MARCHF6: variants seen among roughly 807,000 people sequenced by gnomAD.
The protein encoded by MARCHF6 is membrane associated ring-CH-type finger 6.
MARCHF6 carries 31 observed loss-of-function variants against 133.7 expected under a neutral mutation model. That is an observed-to-expected ratio of 0.23 (90% CI 0.17 to 0.31). MARCHF6 has a LOEUF of 0.31. Among genes scored for constraint, MARCHF6 ranks in the 10% least tolerant of loss-of-function variants. The probability of loss-of-function intolerance (pLI) is 1.00; values close to 1 mark genes in which losing one functional copy is unlikely to be tolerated. For synonymous variants in MARCHF6, 395 were observed against 402.5 expected, an observed-to-expected ratio of 0.98 and a Z score of 0.22; for missense variants, 723 against 1,121.6, an observed-to-expected ratio of 0.64 and a Z score of 5.08.
chr5:10,406,890 A>G lies in MARCHF6; in HGVS notation c.1453-212A>G, dbSNP rs577316040. On this transcript the variant is annotated intron_variant, in intron 16 of 25. Transcript: ENST00000274140. Reference sequence around the variant, plus strand: ...TTCCGTTTTAGCATTTGTGTCCTAGATGGGAGGTCCTTACAGGAAGAGGGG... The same window carrying G: ...TTCCGTTTTAGCATTTGTGTCCTAGGTGGGAGGTCCTTACAGGAAGAGGGG... 5.3e-5 allele frequency among the ~76,000 whole-genome samples: 8 copies of G among 152,236 alleles called. No homozygotes were observed. In the East Asian group the frequency reaches 1.5e-3, roughly 29 times the overall value.
chr5:10,408,086 A>G (rs547601460), intron 17 of MARCHF6, among the ~76,000 whole-genome samples: 1 of 151,894 alleles, frequency 6.6e-6, no homozygotes, highest in Non-Finnish European at 1.5e-5. Flanking sequence ...AAATTGGATT[A>G]TTTCCTCAAG....
At chr5:10,420,895 A>G (rs1052875781) in intron 22 of MARCHF6, among the ~76,000 whole-genome samples, 1 of 152,218 alleles carries the variant, frequency 6.6e-6, no homozygotes, top group African/African-American at 2.4e-5. Flanking sequence ...CTGCTTTCTA[A>G]TAGCATCTGA....
intron 1 of MARCHF6, among the ~76,000 whole-genome samples, chr5:10,374,223 C>T (rs572986179): frequency 2.0e-5 from 3 of 152,238 alleles, no homozygotes; most frequent in South Asian, 4.1e-4. Flanking sequence ...GGAAAGAGTC[C>T]AGTTTAAATC....
At chr5:10,408,592 G>T (rs564819213) in intron 17 of MARCHF6, among the ~76,000 whole-genome samples, 2 of 152,278 alleles carry the variant, frequency 1.3e-5, no homozygotes, top group African/African-American at 2.4e-5. Flanking sequence ...AGGCTGTAGT[G>T]CAGTGGTATG....
Position 10,381,864 on chromosome 5 carries a change from T to C in MARCHF6, c.255T>C (p.Ser85=), listed in dbSNP as rs1198328894. The C allele has an allele frequency of 6.2e-7, 1 of 1,613,026 alleles. No individual in the cohort carries two copies. The highest frequency in any genetic ancestry group is 1.1e-5 in the South Asian group (1 of 90,926). The change falls in exon 4 of 26, where the codon AGT becomes AGC. Residue 85 remains serine (S), a synonymous_variant. Transcript: ENST00000274140. ...IQDIFAGLVT[S]IGTAIRYWFH... ...ACATATTTGCTGGACTGGTTACAAG[T>C]ATTGGCACTGCAATACGATATTGGT...
At chr5:10,386,059 G>T (rs188320268) in intron 4 of MARCHF6, among the ~76,000 whole-genome samples, 71 of 151,470 alleles carry the variant, frequency 4.7e-4, no homozygotes, top group Admixed American at 1.5e-3. Flanking sequence ...ACAGCACTCT[G>T]TAGTAAGAAG....
chr5:10,356,353 T>G (rs1301796568), intron 1 of MARCHF6, among the ~76,000 whole-genome samples: 2 of 112,514 alleles, frequency 1.8e-5, no homozygotes, highest in Non-Finnish European at 3.7e-5. Context: ...ATTTATTTTA[T>G]TTTATTTTAT....
intron 1 of MARCHF6, among the ~76,000 whole-genome samples, chr5:10,366,139 C>CCAGGCTGGT (rs1736127934): frequency 6.6e-6 from 1 of 152,000 alleles, no homozygotes; most frequent in Non-Finnish European, 1.5e-5. Flanking sequence ...GCCATGTTGG[C>CCAGGCTGGT]CAGGCTGGTT....
chr5:10,432,351 C>T (rs989358761), intron 25 of MARCHF6, among the ~76,000 whole-genome samples: 2 of 152,244 alleles, frequency 1.3e-5, no homozygotes, highest in Admixed American at 6.5e-5. Context: ...AGCTACCTGA[C>T]AGCCTGTCAT....
In MARCHF6 at chr5:10,377,675, A is replaced by G. The variant is rs1579544844; in HGVS notation, c.20-123A>G. ...ATCACAACTTTCAGTTCTCCGTACTATTAATGTTTTGTCAAGTGATAGATT... is the reference window on the plus strand; with the variant it reads ...ATCACAACTTTCAGTTCTCCGTACTGTTAATGTTTTGTCAAGTGATAGATT... On this transcript the variant is annotated intron_variant, in intron 1 of 25. Transcript: ENST00000274140. 6.5e-6 allele frequency: 4 copies of G among 619,466 alleles called. No homozygotes were observed. In the East Asian group the frequency reaches 8.2e-5, roughly 13 times the overall value. 38.4% of individuals were successfully genotyped at this position (619,466 alleles called of 1,614,324 possible). A position where few individuals can be genotyped will look rare whatever the true frequency, so the allele number is the denominator to read the frequency against.
At chr5:10,421,364 G>C (rs1281502158) in intron 22 of MARCHF6, among the ~76,000 whole-genome samples, 2 of 152,192 alleles carry the variant, frequency 1.3e-5, no homozygotes, top group African/African-American at 4.8e-5. Context: ...TTTTGATATC[G>C]ATAGCTCCCA....
chr5:10,367,248 T>G (rs1212082060), intron 1 of MARCHF6, among the ~76,000 whole-genome samples: 1 of 152,092 alleles, frequency 6.6e-6, no homozygotes, highest in Non-Finnish European at 1.5e-5. Flanking sequence ...GGACGTTAGG[T>G]AAAGACTAAG....
chr5:10,405,844 CT>C (rs1275341998), intron 16 of MARCHF6, among the ~76,000 whole-genome samples, 167 bp downstream of exon 16: 4 of 151,936 alleles, frequency 2.6e-5, no homozygotes, highest in African/African-American at 9.7e-5. Flanking sequence ...TTATTGGTTA[CT>C]TTGTTAAAAT....
At chr5:10,359,572 T>A (rs1053342348) in intron 1 of MARCHF6, among the ~76,000 whole-genome samples, 4 of 152,212 alleles carry the variant, frequency 2.6e-5, no homozygotes, top group African/African-American at 9.6e-5. Context: ...TTTTAAATTG[T>A]TGTGAATTTC....
At chr5:10,369,210 A>T (rs1736314560) in intron 1 of MARCHF6, among the ~76,000 whole-genome samples, 1 of 152,212 alleles carries the variant, frequency 6.6e-6, no homozygotes, top group Admixed American at 6.5e-5. Flanking sequence ...CTAATTTCAG[A>T]GGTGGCAGGG....
chr5:10,430,293 T>C (rs1249635738), intron 25 of MARCHF6, among the ~76,000 whole-genome samples: 1 of 149,852 alleles, frequency 6.7e-6, no homozygotes, highest in Non-Finnish European at 1.5e-5. Context: ...AGGTTTTTTT[T>C]TTTTGGTGGT....
intron 5 of MARCHF6, among the ~76,000 whole-genome samples, chr5:10,388,059 CT>C (rs377583307): frequency 4.1e-4 from 63 of 152,300 alleles, no homozygotes; most frequent in African/African-American, 1.5e-3. Flanking sequence ...ATGCTAAGAA[CT>C]TGCCTGTAGT....
At chr5:10,396,826 C>T (rs1038434663) in intron 9 of MARCHF6, among the ~76,000 whole-genome samples, 3 of 152,200 alleles carry the variant, frequency 2.0e-5, no homozygotes, top group Middle Eastern at 3.4e-3. Context: ...CTAGAGTTTT[C>T]CAAAGGAGTG....
At chr5:10,418,938 A>G (rs1191883399) in intron 22 of MARCHF6, among the ~76,000 whole-genome samples, 2 of 152,212 alleles carry the variant, frequency 1.3e-5, no homozygotes, top group Non-Finnish European at 1.5e-5. Context: ...GGTGTTCCAT[A>G]AGAGATAGTA....
Sources: allele counts gnomAD v4.1 joint callset (sites outside exome capture counted in the v4.1 genomes callset), GRCh38; gene constraint gnomAD v4.1.1; transcripts MANE v1.5; gene names NCBI Gene and HGNC (gene_info 2026-07-23, HGNC 2026-07-21).